Variants in MAL observed in about 807,000 individuals in gnomAD.
MAL encodes myelin and lymphocyte protein.
In MAL, 5 loss-of-function variants were observed where a neutral mutation model predicts 16.7. The observed-to-expected ratio is 0.30, with a 90% CI of 0.16 to 0.63. The LOEUF is 0.63. Ranked by LOEUF, MAL falls within the 30% of genes least tolerant of loss-of-function variation. The pLI, the probability that MAL is intolerant of heterozygous loss-of-function variation, is 0.82. For missense variants in MAL, 202 were observed against 195.8 expected (o/e 1.03, Z -0.19); for synonymous variants, 96 against 85.5 (o/e 1.12, Z -0.67).
rs1674633492 is a variant in MAL, at chr2:95,048,126, G to T, written c.261G>T (p.Leu87Phe). The T allele has an allele frequency of 1.2e-6, 2 of 1,610,790 alleles. No individual in the cohort carries two copies. The highest frequency in any genetic ancestry group is 2.2e-5 in the South Asian group (2 of 91,020). Residue 87 changes from leucine (L) to phenylalanine (F), a missense_variant and splice_region_variant, in exon 2 of 4, where the codon TTG (leucine) becomes TTT (phenylalanine). Transcript: ENST00000309988. ...AHGGETSWVT[L>F]DAAYHCTAAL... is the part of the protein sequence containing the mutation. Reference sequence around the variant, plus strand: ...GTGGAGAGACTTCCTGGGTCACCTTGGTGAGTCCAGCCCAGGGTGGCTGCT... The same window carrying T: ...GTGGAGAGACTTCCTGGGTCACCTTTGTGAGTCCAGCCCAGGGTGGCTGCT...
chr2:95,025,895 T>G lies in MAL; in HGVS notation c.93+10T>G. Reference sequence around the variant, plus strand: ...CTTCATCTTTGAGTTTGTGAGTGGCTCCTGGCCGGGGAAGGGACGGGGTGG... The same window carrying G: ...CTTCATCTTTGAGTTTGTGAGTGGCGCCTGGCCGGGGAAGGGACGGGGTGG... On this transcript the variant is annotated intron_variant, in intron 1 of 3. Transcript: ENST00000309988. The surrounding 1 kb of genome is among the most constrained non-coding windows in gnomAD (Gnocchi z 5.6). 6.5e-7 allele frequency: 1 copy of G among 1,548,328 alleles called. No individual in the cohort carries two copies. Among genetic ancestry groups the G allele is most frequent in the Non-Finnish European group, 8.7e-7 (1 of 1,146,318 alleles).
At chr2:95,034,522 G>A (rs535025869) in intron 1 of MAL, among the ~76,000 whole-genome samples, 5 of 152,200 alleles carry the variant, frequency 3.3e-5, no homozygotes, top group Non-Finnish European at 7.3e-5. Context: ...TTTCAAAAGC[G>A]ATTTGTCATC....
At chr2:95,039,159 AATGGGTGAGTGAGTGACTTG>A (rs1674363987) in intron 1 of MAL, among the ~76,000 whole-genome samples, 14 of 144,716 alleles carry the variant, frequency 9.7e-5, no homozygotes, top group South Asian at 4.5e-4. Context: ...TGAGTGACTG[AATGGGTGAGTGAGTGACTTG>A]GTGAGTGAGT....
chr2:95,053,202 A>G, intron 3 of MAL, 179 bp from the exon 4 acceptor site: 1 of 632,676 alleles, frequency 1.6e-6, no homozygotes, highest in Non-Finnish European at 2.8e-6. Flanking sequence ...CTGTACTGAG[A>G]GGATTTGGTG....
At chr2:95,037,447 A>C (rs1674256846) in intron 1 of MAL, among the ~76,000 whole-genome samples, 1 of 150,972 alleles carries the variant, frequency 6.6e-6, no homozygotes, top group Non-Finnish European at 1.5e-5. Flanking sequence ...TGAGTGACTG[A>C]GTGAGTGACT....
At chr2:95,038,431 A>G (rs1277947237) in intron 1 of MAL, among the ~76,000 whole-genome samples, 1 of 151,524 alleles carries the variant, frequency 6.6e-6, no homozygotes, top group Non-Finnish European at 1.5e-5. Context: ...TGAGTGACTG[A>G]GTGACTGAGT....
intron 1 of MAL, among the ~76,000 whole-genome samples, chr2:95,027,907 A>G (rs939506781): frequency 1.3e-5 from 2 of 152,162 alleles, no homozygotes; most frequent in African/African-American, 4.8e-5. Context: ...CAATTAGAAA[A>G]TGGACAATGG....
chr2:95,043,090 A>T (rs1674507821), intron 1 of MAL, among the ~76,000 whole-genome samples: 1 of 152,186 alleles, frequency 6.6e-6, no homozygotes, highest in Non-Finnish European at 1.5e-5. Flanking sequence ...CAAAGCCCTC[A>T]CAGCTGCTTC....
At position 95,025,728 on chromosome 2, in the gene MAL, C is replaced by T. The variant is rs545183243; in HGVS notation, c.-65C>T. On this transcript the variant is annotated 5_prime_UTR_variant, in exon 1 of 4. Coordinates refer to ENST00000309988, the MANE Select transcript of MAL (RefSeq NM_002371.4). The surrounding 1 kb of genome is among the most constrained non-coding windows in gnomAD (Gnocchi z 5.6). ...AGGCCACTGGGCTCCGCGGAGCCAGCGAGAGGTCTGCGCGGAGTCTGAGCG... is the reference window on the plus strand; with the variant it reads ...AGGCCACTGGGCTCCGCGGAGCCAGTGAGAGGTCTGCGCGGAGTCTGAGCG... The T allele has an allele frequency of 2.6e-6, 3 of 1,157,942 alleles. No homozygotes were observed. Among genetic ancestry groups the T allele is most frequent in the Non-Finnish European group, 3.5e-6 (3 of 850,142 alleles). The allele number at this position is 1,157,942 out of a possible 1,614,324, so 71.7% of individuals were successfully genotyped here.
At chr2:95,040,110 G>C (rs906424459) in intron 1 of MAL, among the ~76,000 whole-genome samples, 16 of 151,714 alleles carry the variant, frequency 1.1e-4, no homozygotes, top group Non-Finnish European at 2.1e-4. Context: ...CCTTAACCCA[G>C]CTCTACCTAC....
chr2:95,049,481 T>C, intron 2 of MAL, 100 bp from the exon 3 acceptor site: 1 of 1,350,540 alleles, frequency 7.4e-7, no homozygotes, highest in Non-Finnish European at 9.8e-7. Context: ...TCAAAGGAAG[T>C]GGGGGGAGAG....
intron 1 of MAL, among the ~76,000 whole-genome samples, chr2:95,040,303 G>A (rs115668348): frequency 0.021 from 3,172 of 151,814 alleles, 104 homozygotes; most frequent in African/African-American, 0.073. Flanking sequence ...ACACCTGCAC[G>A]CAAACACATA....
chr2:95,030,959 C>T (rs887666458), intron 1 of MAL, among the ~76,000 whole-genome samples: 3 of 152,180 alleles, frequency 2.0e-5, no homozygotes, highest in African/African-American at 7.2e-5. Context: ...TGGGGAATAG[C>T]CAGCCCGACA....
intron 2 of MAL, among the ~76,000 whole-genome samples, chr2:95,049,021 G>A (rs184907125): frequency 1.2e-4 from 19 of 152,160 alleles, no homozygotes; most frequent in Non-Finnish European, 2.9e-5. Context: ...ATCTAACTAT[G>A]TTTCCCAGGC....
intron 1 of MAL, among the ~76,000 whole-genome samples, chr2:95,034,294 G>A (rs1674154876): frequency 6.6e-6 from 1 of 152,150 alleles, no homozygotes; most frequent in South Asian, 2.1e-4. Context: ...TGTGTCCTCA[G>A]CTAAGAGCTT....
chr2:95,031,878 G>C (rs1392744310), intron 1 of MAL, among the ~76,000 whole-genome samples: 18 of 152,252 alleles, frequency 1.2e-4, no homozygotes, highest in African/African-American at 4.3e-4. Flanking sequence ...GGGTTTGGTG[G>C]AGAAGTGACT....
At chr2:95,036,556 T>A (rs1430448661) in intron 1 of MAL, among the ~76,000 whole-genome samples, 4 of 152,228 alleles carry the variant, frequency 2.6e-5, no homozygotes, top group Non-Finnish European at 5.9e-5. Context: ...TTTCCCTGGG[T>A]GTGCCTGCCT....
intron 1 of MAL, among the ~76,000 whole-genome samples, chr2:95,038,864 G>A (rs1446927737): frequency 2.1e-5 from 3 of 140,244 alleles, no homozygotes; most frequent in Non-Finnish European, 4.7e-5. Flanking sequence ...GACTGAGTGA[G>A]TGACTGAGTG....
Position 95,048,036 on chromosome 2 carries a change from C to T in MAL, c.171C>T (p.Phe57=), listed in dbSNP as rs773233622. ...CCCTGGTCCAGGGCTGGGTGATGTTCGTGTCTGTGTTCTGCTTCGTGGCCA... is the reference window on the plus strand; with the variant it reads ...CCCTGGTCCAGGGCTGGGTGATGTTTGTGTCTGTGTTCTGCTTCGTGGCCA... The part of the protein sequence containing the change: ...PWPLVQGWVM[F]VSVFCFVATT... Residue 57 remains phenylalanine, a synonymous_variant, in exon 2 of 4, where the codon TTC becomes TTT. Transcript: ENST00000309988. The T allele has an allele frequency of 9.9e-6, 16 of 1,613,742 alleles. No individual in the cohort carries two copies. In the East Asian group the frequency reaches 1.8e-4, roughly 18 times the overall value.
Sources: allele counts gnomAD v4.1 joint callset (sites outside exome capture counted in the v4.1 genomes callset), GRCh38; gene constraint gnomAD v4.1.1; non-coding constraint Gnocchi (gnomAD v3.1); transcripts MANE v1.5; gene names NCBI Gene and HGNC (gene_info 2026-07-23, HGNC 2026-07-21).